The following FAM193B variants were observed in gnomAD, a reference collection of about 807,000 sequenced individuals.
FAM193B encodes the protein protein FAM193B.
FAM193B carries 27 observed loss-of-function variants against 70.7 expected under a neutral mutation model. The ratio of observed to expected loss-of-function variants is 0.38; its 90% CI spans 0.28 to 0.53. The LOEUF (loss-of-function observed/expected upper bound fraction) is 0.53, where lower values mean the gene tolerates loss of function less well. Among genes scored for constraint, FAM193B ranks in the 20% least tolerant of loss-of-function variants. FAM193B has a pLI of 0.81. For synonymous variants in FAM193B, 448 were observed against 436.0 expected, an observed-to-expected ratio of 1.03 and a Z score of -0.34; for missense variants, 1,022 against 1,072.5, an observed-to-expected ratio of 0.95 and a Z score of 0.66.
intron 5 of FAM193B, chr5:177,531,900 A>G: frequency 9.2e-6 from 11 of 1,191,448 alleles, no homozygotes; most frequent in Non-Finnish European, 1.2e-5. Flanking sequence ...AATTACTTTC[A>G]TTTCTTCTAT....
At chr5:177,542,100 CA>C (rs1764926583) in intron 1 of FAM193B, among the ~76,000 whole-genome samples, 1 of 152,168 alleles carries the variant, frequency 6.6e-6, no homozygotes, top group Non-Finnish European at 1.5e-5. Flanking sequence ...ACCGACAATT[CA>C]AATGTGTAAT....
At chr5:177,530,081 C>T (rs1421670750) in intron 5 of FAM193B, among the ~76,000 whole-genome samples, 2 of 152,170 alleles carry the variant, frequency 1.3e-5, no homozygotes, top group African/African-American at 2.4e-5. Flanking sequence ...GGCTCCTAAA[C>T]GTGTCACTGT....
intron 1 of FAM193B, among the ~76,000 whole-genome samples, chr5:177,540,351 T>C (rs1312606308): frequency 6.6e-6 from 1 of 152,034 alleles, no homozygotes; most frequent in Non-Finnish European, 1.5e-5. Flanking sequence ...GTCTGTAGGT[T>C]TGCTTTCACA....
intron 4 of FAM193B, among the ~76,000 whole-genome samples, chr5:177,533,049 T>C (rs1428755237): frequency 6.6e-6 from 1 of 152,210 alleles, no homozygotes; most frequent in African/African-American, 2.4e-5. Flanking sequence ...GTGTGTAGCA[T>C]AACAACCCTG....
intron 1 of FAM193B, among the ~76,000 whole-genome samples, chr5:177,550,817 C>T (rs1365283950): frequency 1.3e-5 from 2 of 152,164 alleles, no homozygotes; most frequent in East Asian, 3.8e-4. Context: ...TAGGTTGCTT[C>T]TCTTGTGAAG....
At chr5:177,540,648 CAA>C (rs1312102478) in intron 1 of FAM193B, among the ~76,000 whole-genome samples, 8 of 152,298 alleles carry the variant, frequency 5.3e-5, no homozygotes, top group Admixed American at 1.3e-4. Flanking sequence ...GTGGAGAAAG[CAA>C]AGTCTTCCCA....
chr5:177,528,763 C>T (rs1168393877), intron 5 of FAM193B, among the ~76,000 whole-genome samples: 1 of 152,144 alleles, frequency 6.6e-6, no homozygotes, highest in East Asian at 1.9e-4. Context: ...GGGGAATGGA[C>T]GTGCTAAGGT....
intron 1 of FAM193B, among the ~76,000 whole-genome samples, chr5:177,552,396 G>C (rs975741510): frequency 1.3e-5 from 2 of 152,216 alleles, no homozygotes; most frequent in Admixed American, 6.5e-5. Flanking sequence ...TAGTGGAGTA[G>C]GTAAGAACAT....
In FAM193B at chr5:177,532,454, C is replaced by T. The variant is rs372959950; in HGVS notation, c.1264G>A (p.Gly422Ser). ...FCDCCYCEFF[G>S]HNAEKEKAQL... The stretch of plus-strand genomic sequence containing the variant: ...GCAGGCTCACTCACCGCATTGTGGC[C>T]GAAGAACTCACAGTAGCAGCAGTCA... The change falls in exon 5 of 9, where the codon GGC (glycine) becomes AGC (serine). Residue 422 changes from glycine to serine, a missense_variant. Coordinates refer to ENST00000514747, the MANE Select transcript of FAM193B (RefSeq NM_001190946.3). This position sits in a 1 kb window ranked among gnomAD's most constrained non-coding sequence, Gnocchi z 4.9. 4.3e-6 allele frequency: 7 copies of T among 1,610,600 alleles called. No individual in the cohort carries two copies. In the East Asian group the frequency reaches 8.9e-5, roughly 21 times the overall value.
chr5:177,521,210 C>T (rs995585847), intron 8 of FAM193B, among the ~76,000 whole-genome samples: 11 of 152,244 alleles, frequency 7.2e-5, no homozygotes, highest in Admixed American at 7.2e-4. Flanking sequence ...CAGAGCCACT[C>T]AGCCCCCAGC....
chr5:177,521,485 C>G (rs1419806201), intron 8 of FAM193B, among the ~76,000 whole-genome samples: 1 of 152,208 alleles, frequency 6.6e-6, no homozygotes, highest in African/African-American at 2.4e-5. Flanking sequence ...CCTAAATGAC[C>G]CACGATGTTC....
At chr5:177,522,449 T>C (rs1187204013) in intron 7 of FAM193B, among the ~76,000 whole-genome samples, 1 of 152,160 alleles carries the variant, frequency 6.6e-6, no homozygotes, top group Non-Finnish European at 1.5e-5. Context: ...ATAAAAATGG[T>C]GTAGTATTTG....
chr5:177,547,505 C>T (rs2127488313), intron 1 of FAM193B, among the ~76,000 whole-genome samples: 1 of 151,290 alleles, frequency 6.6e-6, no homozygotes, highest in Admixed American at 6.6e-5. Flanking sequence ...AGGATGGTCT[C>T]GATCTCCTGA....
At chr5:177,533,524 C>G (rs1763795321) in intron 4 of FAM193B, among the ~76,000 whole-genome samples, 2 of 152,138 alleles carry the variant, frequency 1.3e-5, no homozygotes, top group South Asian at 4.2e-4. Flanking sequence ...CCAGGATGGT[C>G]TCGATCTCCT....
At chr5:177,553,066 G>T (rs1200996797) in intron 1 of FAM193B, 6 of 494,360 alleles carry the variant, frequency 1.2e-5, no homozygotes, top group Non-Finnish European at 1.6e-5. Context: ...TGCTACCAGA[G>T]GGAGGCACAG....
In FAM193B at chr5:177,528,201, G is replaced by A. The variant is rs189816383; in HGVS notation, c.1276-2996C>T. 7.9e-5 allele frequency among the ~76,000 whole-genome samples: 12 copies of A among 152,336 alleles called. 1 individual carries two copies. In the East Asian group the frequency reaches 2.3e-3, roughly 29 times the overall value. ...GTGAAAAGGACAAACACAAATGCCA[G>A]ATATTCTCTAGTGGACTAACACGAT... On this transcript the variant is annotated intron_variant, in intron 5 of 8. Transcript: ENST00000514747.
intron 1 of FAM193B, among the ~76,000 whole-genome samples, chr5:177,550,719 G>C (rs1004664975): frequency 2.0e-5 from 3 of 152,214 alleles, no homozygotes; most frequent in East Asian, 1.9e-4. Context: ...AGAGCTAACA[G>C]GCCAGAACAC....
At chr5:177,528,983 G>C (rs989177867) in intron 5 of FAM193B, among the ~76,000 whole-genome samples, 4 of 152,124 alleles carry the variant, frequency 2.6e-5, no homozygotes, top group Admixed American at 2.6e-4. Flanking sequence ...GTACTGGTGA[G>C]TGAGTGAGTG....
At chr5:177,534,986 T>C (rs946593207) in intron 4 of FAM193B, among the ~76,000 whole-genome samples, 2 of 152,220 alleles carry the variant, frequency 1.3e-5, no homozygotes, top group African/African-American at 4.8e-5. Flanking sequence ...CATTGGTGGT[T>C]ACATCAGTTT....
Sources: allele counts gnomAD v4.1 joint callset (sites outside exome capture counted in the v4.1 genomes callset), GRCh38; gene constraint gnomAD v4.1.1; non-coding constraint Gnocchi (gnomAD v3.1); transcripts MANE v1.5; gene names NCBI Gene and HGNC (gene_info 2026-07-23, HGNC 2026-07-21).